Variants in CNTNAP2 observed in about 807,000 individuals in gnomAD.
CNTNAP2 encodes the protein contactin associated protein 2.
In CNTNAP2, 98 loss-of-function variants were observed where a neutral mutation model predicts 155.2. The ratio of observed to expected loss-of-function variants is 0.63; its 90% CI spans 0.54 to 0.75. The LOEUF (loss-of-function observed/expected upper bound fraction) is 0.75, where lower values mean the gene tolerates loss of function less well. Among genes scored for constraint, CNTNAP2 ranks in the 30% least tolerant of loss-of-function variants. The pLI is 0.00. For missense variants in CNTNAP2, 1,727 were observed against 1,688.1 expected (o/e 1.02, Z -0.40); for synonymous variants, 651 against 631.2 (o/e 1.03, Z -0.47).
chr7:146,941,599 G>C (rs1341872936), intron 3 of CNTNAP2, among the ~76,000 whole-genome samples: 1 of 152,026 alleles, frequency 6.6e-6, no homozygotes, highest in African/African-American at 2.4e-5. Flanking sequence ...TATTCTTTCA[G>C]ATGTTTTTGT....
chr7:148,235,415 AG>A (rs1796026086), intron 20 of CNTNAP2, among the ~76,000 whole-genome samples: 1 of 152,170 alleles, frequency 6.6e-6, no homozygotes, highest in African/African-American at 2.4e-5. Context: ...ACCCAATAAA[AG>A]TCTGTCTTAC....
At chr7:147,870,569 C>A (rs1256230201) in intron 13 of CNTNAP2, among the ~76,000 whole-genome samples, 1 of 152,198 alleles carries the variant, frequency 6.6e-6, no homozygotes, top group Non-Finnish European at 1.5e-5. Context: ...AACCCATAAA[C>A]CTTGTGGCAG....
chr7:147,489,026 A>G lies in CNTNAP2; in HGVS notation c.1777+2985A>G, dbSNP rs1472365826. Reference sequence around the variant, plus strand: ...GAACTTCTATACCAATAATTGCCCAAATCACACAATGTGTCTCTTAATTTA... The same window carrying G: ...GAACTTCTATACCAATAATTGCCCAGATCACACAATGTGTCTCTTAATTTA... On this transcript the variant is annotated intron_variant, in intron 11 of 23. Transcript: ENST00000361727. Among the ~76,000 whole-genome samples, 5 of 152,336 alleles carry G rather than the reference A, an allele frequency of 3.3e-5. No individual in the cohort carries two copies. The South Asian group carries it at 6.2e-4, about 19-fold the overall frequency.
intron 1 of CNTNAP2, among the ~76,000 whole-genome samples, chr7:146,690,299 T>C (rs1251400576): frequency 2.0e-5 from 3 of 152,154 alleles, no homozygotes; most frequent in Non-Finnish European, 4.4e-5. Context: ...TCATGATCAG[T>C]AACCAATCAT....
intron 1 of CNTNAP2, among the ~76,000 whole-genome samples, chr7:146,595,018 A>G (rs1276449656): frequency 2.6e-5 from 4 of 152,190 alleles, no homozygotes; most frequent in South Asian, 4.1e-4. Flanking sequence ...TCATAGTAAA[A>G]TCCAATTTTT....
chr7:147,193,795 C>T (rs980175911), intron 8 of CNTNAP2, among the ~76,000 whole-genome samples: 9 of 152,152 alleles, frequency 5.9e-5, no homozygotes, highest in Middle Eastern at 3.4e-3. Flanking sequence ...ACAAAAACTT[C>T]CATGCCCTTC....
intron 1 of CNTNAP2, among the ~76,000 whole-genome samples, chr7:146,692,830 A>G (rs1800720196): frequency 6.6e-6 from 1 of 152,164 alleles, no homozygotes; most frequent in Admixed American, 6.6e-5. Flanking sequence ...TATTATGACT[A>G]TTATTTTGAA....
At chr7:146,975,643 A>G (rs1200426978) in intron 3 of CNTNAP2, among the ~76,000 whole-genome samples, 1 of 152,148 alleles carries the variant, frequency 6.6e-6, no homozygotes, top group Admixed American at 6.6e-5. Context: ...CCCACCCTAG[A>G]CACACAGACA....
chr7:148,334,928 T>A (rs1409346209), intron 21 of CNTNAP2, among the ~76,000 whole-genome samples: 1 of 152,222 alleles, frequency 6.6e-6, no homozygotes, highest in Non-Finnish European at 1.5e-5. Context: ...TTGCAGATCC[T>A]ACCAATGACT....
intron 1 of CNTNAP2, among the ~76,000 whole-genome samples, chr7:146,593,529 C>T (rs966248593): frequency 1.3e-5 from 2 of 152,078 alleles, no homozygotes; most frequent in African/African-American, 4.8e-5. Flanking sequence ...TCACTCCCTC[C>T]ACCACTGCCA....
chr7:148,338,004 C>T (rs1798151629), intron 21 of CNTNAP2, among the ~76,000 whole-genome samples: 1 of 151,860 alleles, frequency 6.6e-6, no homozygotes, highest in African/African-American at 2.4e-5. Context: ...TTTTGACAAA[C>T]AAATATATTC....
chr7:147,552,114 T>C (rs1004137666), intron 11 of CNTNAP2, among the ~76,000 whole-genome samples: 9 of 152,176 alleles, frequency 5.9e-5, no homozygotes, highest in Non-Finnish European at 1.3e-4. Flanking sequence ...GAGTTCTGAT[T>C]CTTGATCTAA....
chr7:146,563,837 A>C (rs561476579), intron 1 of CNTNAP2, among the ~76,000 whole-genome samples: 2 of 152,280 alleles, frequency 1.3e-5, no homozygotes, highest in African/African-American at 4.8e-5. Context: ...ATGACTTGTC[A>C]GGAAAGATAG....
At chr7:146,899,098 A>T (rs989986357) in intron 3 of CNTNAP2, among the ~76,000 whole-genome samples, 1 of 152,052 alleles carries the variant, frequency 6.6e-6, no homozygotes, top group African/African-American at 2.4e-5. Flanking sequence ...GTCTTTGTCC[A>T]GTTGTTCTCA....
rs1803784765 is a variant in CNTNAP2, at chr7:147,235,651, T to C, written c.1349-64490T>C. Among the ~76,000 whole-genome samples, 2 of 152,174 alleles carry C rather than the reference T, an allele frequency of 1.3e-5. 1 individual carries two copies. The highest frequency in any genetic ancestry group is 4.1e-4 in the South Asian group (2 of 4,834). On this transcript the variant is annotated intron_variant, in intron 8 of 23. Transcript: ENST00000361727. ...CATTCTCGCTTCTATTTTTTCACAC[T>C]GAAGCCCACATTGTTCCAGATTTAA...
chr7:147,269,798 A>C (rs1268300897), intron 8 of CNTNAP2, among the ~76,000 whole-genome samples: 1 of 152,190 alleles, frequency 6.6e-6, no homozygotes, highest in Admixed American at 6.6e-5. Flanking sequence ...TCATACCTGT[A>C]ATCCTAGCTA....
chr7:146,382,985 G>A (rs1795412050), intron 1 of CNTNAP2, among the ~76,000 whole-genome samples: 1 of 152,068 alleles, frequency 6.6e-6, no homozygotes, highest in African/African-American at 2.4e-5. Context: ...CCCCTTCACT[G>A]ATAATTTTCT....
At chr7:147,676,365 T>C (rs1199297478) in intron 13 of CNTNAP2, among the ~76,000 whole-genome samples, 2 of 152,034 alleles carry the variant, frequency 1.3e-5, no homozygotes, top group East Asian at 3.8e-4. Context: ...AACTCTATTT[T>C]ATTTAGTAAT....
At chr7:146,595,845 C>T (rs907030046) in intron 1 of CNTNAP2, among the ~76,000 whole-genome samples, 1 of 151,920 alleles carries the variant, frequency 6.6e-6, no homozygotes, top group African/African-American at 2.4e-5. Context: ...AACAGCTATT[C>T]CTGAGGTATA....
Sources: gnomAD v4.1 joint callset for allele counts (sites outside exome capture counted in the v4.1 genomes callset) on GRCh38, gnomAD v4.1.1 for gene constraint, MANE v1.5 for transcripts, NCBI Gene and HGNC (gene_info 2026-07-23, HGNC 2026-07-21) for gene names.